FNDC3A: variants seen among roughly 807,000 people sequenced by gnomAD.
The protein encoded by FNDC3A is fibronectin type-III domain-containing protein 3A.
In FNDC3A, 32 loss-of-function variants were observed where a neutral mutation model predicts 148.9. That is an observed-to-expected ratio of 0.21 (90% CI 0.16 to 0.29). The LOEUF is 0.29. Among genes scored for constraint, FNDC3A ranks in the 10% least tolerant of loss-of-function variants. FNDC3A has a pLI of 1.00. For synonymous variants in FNDC3A, 472 were observed against 473.6 expected (o/e 1.00, Z 0.04); for missense variants, 1,191 against 1,452.8 (o/e 0.82, Z 2.93).
At chr13:48,986,161 C>T (rs982172455) in intron 1 of FNDC3A, among the ~76,000 whole-genome samples, 1 of 152,040 alleles carries the variant, frequency 6.6e-6, no homozygotes, top group Non-Finnish European at 1.5e-5. Context: ...CCAACCAAGA[C>T]AAAATAAAGT....
intron 23 of FNDC3A, among the ~76,000 whole-genome samples, chr13:49,200,672 G>C (rs1050875256): frequency 6.6e-6 from 1 of 151,960 alleles, no homozygotes; most frequent in South Asian, 2.1e-4. Context: ...TTAATATTCA[G>C]CTAGCATCTA....
intron 2 of FNDC3A, among the ~76,000 whole-genome samples, chr13:49,014,009 T>C (rs1456328768): frequency 6.8e-6 from 1 of 147,712 alleles, no homozygotes; most frequent in Admixed American, 6.7e-5. Flanking sequence ...GTTGGACATT[T>C]GGGTTGGTTC....
At chr13:48,992,887 T>G (rs1951947644) in intron 1 of FNDC3A, among the ~76,000 whole-genome samples, 1 of 152,206 alleles carries the variant, frequency 6.6e-6, no homozygotes, top group Non-Finnish European at 1.5e-5. Context: ...TTATAACAAC[T>G]ACTTGATGCG....
At position 49,114,717 on chromosome 13, in the gene FNDC3A, G is replaced by T; in HGVS notation, c.238G>T (p.Gly80Ter). ...TGTGCCTCCTATCTATGTGCCTCCT[G>T]GATATGCCCCACAGGTATGTTTTTA... ...GSVPPIYVPP[G>*]YAPQVIEDNG... The change falls in exon 4 of 26, where the codon GGA (glycine) becomes TGA (stop). Residue 80 changes from glycine (G) to a stop codon, truncating the protein, a stop_gained. Transcript: ENST00000492622. LOFTEE classifies it high-confidence loss of function. 6.2e-7 allele frequency: 1 copy of T among 1,608,678 alleles called. No homozygotes were observed. Among genetic ancestry groups the T allele is most frequent in the South Asian group, 1.1e-5 (1 of 90,936 alleles).
intron 19 of FNDC3A, among the ~76,000 whole-genome samples, chr13:49,196,526 C>T (rs1214371382): frequency 6.6e-6 from 1 of 152,170 alleles, no homozygotes; most frequent in Non-Finnish European, 1.5e-5. Flanking sequence ...TTTACACCTA[C>T]CATCTCCCGT....
rs375195591 is a variant in FNDC3A, at chr13:49,156,612, T to G, written c.978-10632T>G. On this transcript the variant is annotated intron_variant, in intron 8 of 25. Coordinates refer to ENST00000492622, the MANE Select transcript of FNDC3A (RefSeq NM_001079673.2). ...CGTTAGTTGATGCAGTTTCTTCCTA[T>G]TCTCGATGGTCTTTACATTTTGGCA... is the stretch of plus-strand genomic sequence containing the variant. Among the ~76,000 whole-genome samples, 15 of 151,394 alleles carry G rather than the reference T, an allele frequency of 9.9e-5. No homozygotes were observed. In the South Asian group the frequency reaches 2.1e-3, roughly 21 times the overall value.
chr13:49,009,150 A>G (rs1294241028), intron 2 of FNDC3A, among the ~76,000 whole-genome samples: 3 of 152,080 alleles, frequency 2.0e-5, no homozygotes, highest in African/African-American at 7.2e-5. Flanking sequence ...ACTCCCCCCA[A>G]ATCCTTGGCA....
At chr13:49,008,570 GA>G (rs929905427) in intron 2 of FNDC3A, among the ~76,000 whole-genome samples, 29 of 152,178 alleles carry the variant, frequency 1.9e-4, no homozygotes, top group African/African-American at 6.7e-4. Context: ...CTACTCTTGG[GA>G]TCAAATTAAT....
At chr13:49,020,056 A>G (rs77464415) in intron 2 of FNDC3A, among the ~76,000 whole-genome samples, 3,160 of 152,308 alleles carry the variant, frequency 0.021, 47 homozygotes, top group Non-Finnish European at 0.035. Context: ...TAATCTGTGT[A>G]TATTTGTTAT....
At chr13:49,163,407 G>A (rs557571704) in intron 8 of FNDC3A, among the ~76,000 whole-genome samples, 1 of 152,216 alleles carries the variant, frequency 6.6e-6, no homozygotes, top group Non-Finnish European at 1.5e-5. Context: ...CTAGCAGTAA[G>A]CAAGGCTCTG....
At chr13:48,980,850 A>G (rs956479094) in intron 1 of FNDC3A, among the ~76,000 whole-genome samples, 26 of 152,168 alleles carry the variant, frequency 1.7e-4, no homozygotes, top group Non-Finnish European at 1.5e-5. Flanking sequence ...AGCAGGCATC[A>G]GTACATTCCA....
chr13:49,033,224 C>T (rs1874254617), intron 2 of FNDC3A, among the ~76,000 whole-genome samples: 1 of 152,118 alleles, frequency 6.6e-6, no homozygotes, highest in Admixed American at 6.5e-5. Flanking sequence ...CTCTTAAATT[C>T]TGACTTGTTA....
chr13:48,975,686 G>C (rs1566168269), upstream of FNDC3A: 1 of 152,258 alleles, frequency 6.6e-6, no homozygotes, highest in Non-Finnish European at 1.5e-5. Flanking sequence ...CACAAGCCAG[G>C]CGCAGCCGGG....
At chr13:48,995,650 T>G (rs1952010139) in intron 1 of FNDC3A, among the ~76,000 whole-genome samples, 1 of 152,170 alleles carries the variant, frequency 6.6e-6, no homozygotes, top group South Asian at 2.1e-4. Flanking sequence ...ATATGGACAT[T>G]TAAGGTGAAC....
intron 8 of FNDC3A, among the ~76,000 whole-genome samples, chr13:49,157,480 C>G (rs1436051904): frequency 6.8e-6 from 1 of 147,534 alleles, no homozygotes. Flanking sequence ...CCTCCCGTAG[C>G]TCAGAGTAAT....
rs146032954 is a variant in FNDC3A at position 49,133,080 on chromosome 13, A to G, written c.490+1706A>G. Among the ~76,000 whole-genome samples the G allele has an allele frequency of 2.1e-3, 319 of 152,312 alleles. 2 individuals carry two copies. Among genetic ancestry groups the G allele is most frequent in the African/African-American group, 7.1e-3 (295 of 41,560 alleles). ...AGCCTGTAAATAGTGGATATATTGTACACATCATATGTATTTGTCAAACTT... is the reference window on the plus strand; with the variant it reads ...AGCCTGTAAATAGTGGATATATTGTGCACATCATATGTATTTGTCAAACTT... On this transcript the variant is annotated intron_variant, in intron 5 of 25. Transcript: ENST00000492622.
chr13:49,095,333 C>G (rs1285711656), intron 3 of FNDC3A: 1 of 151,896 alleles, frequency 6.6e-6, no homozygotes, highest in Non-Finnish European at 1.5e-5. Context: ...GTCTAAATTT[C>G]ATATCATAAT....
intron 19 of FNDC3A, 106 bp from the exon 20 acceptor site, chr13:49,196,769 AAC>A: frequency 1.9e-6 from 1 of 524,040 alleles, no homozygotes; most frequent in Non-Finnish European, 3.4e-6. Context: ...TTAATCTTGA[AAC>A]ACAGGGAAAA....
In FNDC3A at chr13:49,188,502, C is replaced by T. The variant is rs1212842640; in HGVS notation, c.1826-13C>T. On this transcript the variant is annotated splice_polypyrimidine_tract_variant and intron_variant, in intron 16 of 25. Coordinates refer to ENST00000492622, the MANE Select transcript of FNDC3A (RefSeq NM_001079673.2). ...ACCTAGTATCTGATTGAACACAATT[C>T]CTCACCTTACAGGAAACAAATGGGA... The T allele has an allele frequency of 6.5e-7, 1 of 1,539,920 alleles. No homozygotes were observed. Among genetic ancestry groups the T allele is most frequent in the Non-Finnish European group, 9.0e-7 (1 of 1,112,676 alleles).
Sources: gnomAD v4.1 joint callset for allele counts (sites outside exome capture counted in the v4.1 genomes callset) on GRCh38, gnomAD v4.1.1 for gene constraint, MANE v1.5 for transcripts, NCBI Gene and HGNC (gene_info 2026-07-23, HGNC 2026-07-21) for gene names.